Variants in CTNNA2 observed in about 807,000 individuals in gnomAD.
CTNNA2 encodes the protein catenin alpha-2.
A neutral mutation model predicts 101.0 loss-of-function variants in CTNNA2; 42 were observed. The ratio of observed to expected loss-of-function variants is 0.42; its 90% CI spans 0.32 to 0.54. The LOEUF is 0.54. CTNNA2 is among the 20% of genes least tolerant of loss of function. The probability of loss-of-function intolerance (pLI) is 0.14; values close to 1 mark genes in which losing one functional copy is unlikely to be tolerated. For missense variants in CTNNA2, 871 were observed against 1,223.1 expected (o/e 0.71, Z 4.29); for synonymous variants, 450 against 456.4 (o/e 0.99, Z 0.18).
chr2:79,343,315 C>T (rs1278780254), intron 3 of CTNNA2, among the ~76,000 whole-genome samples: 1 of 151,736 alleles, frequency 6.6e-6, no homozygotes, highest in Non-Finnish European at 1.5e-5. Flanking sequence ...GGATATTTAT[C>T]CCACAAATAG....
At chr2:80,281,170 T>C (rs1573587501) in intron 7 of CTNNA2, among the ~76,000 whole-genome samples, 1 of 152,140 alleles carries the variant, frequency 6.6e-6, no homozygotes. Context: ...ACACAAATTA[T>C]ATTCAGAAAT....
At chr2:80,380,439 C>G (rs1281889354) in intron 7 of CTNNA2, among the ~76,000 whole-genome samples, 3 of 152,256 alleles carry the variant, frequency 2.0e-5, no homozygotes, top group East Asian at 1.9e-4. Context: ...CTGAGGAGGC[C>G]TTGGAGGTCA....
intron 1 of CTNNA2, among the ~76,000 whole-genome samples, chr2:79,522,585 G>T (rs1381373302): frequency 1.3e-5 from 2 of 152,176 alleles, no homozygotes; most frequent in Non-Finnish European, 2.9e-5. Flanking sequence ...GTATGGAGGA[G>T]GGGGTGACCT....
At chr2:79,712,506 A>G (rs1685805523) in intron 2 of CTNNA2, among the ~76,000 whole-genome samples, 1 of 152,178 alleles carries the variant, frequency 6.6e-6, no homozygotes. Context: ...AATTAATATT[A>G]TTATCTAATT....
chr2:79,194,195 G>C (rs775105418), intron 1 of CTNNA2, among the ~76,000 whole-genome samples: 1 of 152,144 alleles, frequency 6.6e-6, no homozygotes, highest in Non-Finnish European at 1.5e-5. Context: ...AAGCACAGCT[G>C]TAAGAATACT....
intron 7 of CTNNA2, among the ~76,000 whole-genome samples, chr2:80,192,756 A>T (rs959521942): frequency 4.0e-5 from 6 of 151,830 alleles, no homozygotes; most frequent in Admixed American, 1.3e-4. Flanking sequence ...CTTGTGATCC[A>T]CCCGCCTCGG....
chr2:79,292,001 G>C (rs1052562456), intron 2 of CTNNA2, among the ~76,000 whole-genome samples: 2 of 151,924 alleles, frequency 1.3e-5, no homozygotes, highest in African/African-American at 2.4e-5. Context: ...CAGGGCTTTT[G>C]GGGGGTAGAG....
At chr2:80,097,579 T>C (rs896239128) in intron 7 of CTNNA2, among the ~76,000 whole-genome samples, 2 of 152,236 alleles carry the variant, frequency 1.3e-5, no homozygotes, top group African/African-American at 2.4e-5. Flanking sequence ...GAAGTTCTCC[T>C]GGATAATATC....
chr2:80,494,515 T>C (rs1262294797), intron 9 of CTNNA2, among the ~76,000 whole-genome samples: 3 of 152,074 alleles, frequency 2.0e-5, no homozygotes, highest in Non-Finnish European at 2.9e-5. Context: ...TTTTTTCTCT[T>C]AATTCAAAAA....
chr2:79,255,682 A>C (rs1476595450), intron 2 of CTNNA2, among the ~76,000 whole-genome samples: 1 of 152,208 alleles, frequency 6.6e-6, no homozygotes, highest in East Asian at 1.9e-4. Flanking sequence ...AAGCTGGAAT[A>C]GCTTGGTGCA....
chr2:79,818,818 CAATT>C (rs1677739444), intron 3 of CTNNA2, among the ~76,000 whole-genome samples: 1 of 46,986 alleles, frequency 2.1e-5, no homozygotes, highest in South Asian at 8.7e-4. Flanking sequence ...ATCCAAAATG[CAATT>C]ATATATATAT....
intron 7 of CTNNA2, among the ~76,000 whole-genome samples, chr2:80,069,894 T>C (rs1698220089): frequency 6.6e-6 from 1 of 152,222 alleles, no homozygotes; most frequent in Non-Finnish European, 1.5e-5. Flanking sequence ...TTGACCCAAA[T>C]CTTTATGCCT....
At chr2:80,392,918 ATTAAC>A (rs1447924691) in intron 7 of CTNNA2, among the ~76,000 whole-genome samples, 8 of 152,216 alleles carry the variant, frequency 5.3e-5, no homozygotes, top group Non-Finnish European at 8.8e-5. Flanking sequence ...TCCTTGTTAT[ATTAAC>A]TTAACTGCTA....
At chr2:79,837,595 C>T (rs996631668) in intron 3 of CTNNA2, among the ~76,000 whole-genome samples, 5 of 152,062 alleles carry the variant, frequency 3.3e-5, no homozygotes, top group African/African-American at 9.7e-5. Flanking sequence ...ATTGAAGATG[C>T]AATCGTTGAT....
At position 80,346,430 on chromosome 2, in the gene CTNNA2, A is replaced by G. The variant is rs190392952; in HGVS notation, c.1057-46781A>G. Among the ~76,000 whole-genome samples, 1,278 of 152,270 alleles carry G rather than the reference A, an allele frequency of 8.4e-3. 15 individuals carry two copies. The highest frequency in any genetic ancestry group is 0.028 in the African/African-American group (1,180 of 41,556). On this transcript the variant is annotated intron_variant, in intron 7 of 18. Transcript: ENST00000402739. ...GATCTTGTGTGAACTCAGAGATCTC[A>G]CTTATCACCATGGGGATGGCACAAG... is the stretch of plus-strand genomic sequence containing the variant.
chr2:79,326,904 C>A (rs1313167264), intron 3 of CTNNA2, among the ~76,000 whole-genome samples: 1 of 152,178 alleles, frequency 6.6e-6, no homozygotes, highest in Non-Finnish European at 1.5e-5. Context: ...CTCCTAACCA[C>A]ATAGTGGGGA....
At chr2:80,228,448 C>T in intron 7 of CTNNA2, among the ~76,000 whole-genome samples, 1 of 152,256 alleles carries the variant, frequency 6.6e-6, no homozygotes, top group Non-Finnish European at 1.5e-5. Flanking sequence ...CTTCCAAAAG[C>T]CTGACCTCCC....
chr2:79,608,632 A>G (rs911276089), intron 1 of CTNNA2, among the ~76,000 whole-genome samples: 5 of 152,110 alleles, frequency 3.3e-5, no homozygotes, highest in African/African-American at 9.6e-5. Flanking sequence ...TGTAATCATT[A>G]TATTAAAAAT....
chr2:80,474,381 G>A (rs1685549540), intron 9 of CTNNA2, among the ~76,000 whole-genome samples: 1 of 86 alleles, frequency 0.012, no homozygotes, highest in South Asian at 0.25. Context: ...GAATGGAGGT[G>A]GGTGTCCATA....
Sources: allele counts gnomAD v4.1 joint callset (sites outside exome capture counted in the v4.1 genomes callset), GRCh38; gene constraint gnomAD v4.1.1; transcripts MANE v1.5; gene names NCBI Gene and HGNC (gene_info 2026-07-23, HGNC 2026-07-21).